MFSD6: variants seen among roughly 807,000 people sequenced by gnomAD.
The protein encoded by MFSD6 is major facilitator superfamily domain containing 6, also known as major facilitator superfamily domain-containing protein 6.
A neutral mutation model predicts 56.3 loss-of-function variants in MFSD6; 26 were observed. The ratio of observed to expected loss-of-function variants is 0.46; its 90% CI spans 0.34 to 0.64. The LOEUF (loss-of-function observed/expected upper bound fraction) is 0.64. MFSD6 is among the 30% of genes least tolerant of loss of function. The pLI is 0.01. For missense variants in MFSD6, 750 were observed against 986.2 expected, an observed-to-expected ratio of 0.76 and a Z score of 3.21; for synonymous variants, 331 against 366.9, an observed-to-expected ratio of 0.90 and a Z score of 1.12.
In MFSD6 at chr2:190,469,853, A is replaced by G. The variant is rs1446568106; in HGVS notation, c.1628A>G (p.Gln543Arg). 1.3e-6 allele frequency: 2 copies of G among 1,588,928 alleles called. No individual in the cohort carries two copies. Among genetic ancestry groups the G allele is most frequent in the Admixed American group, 3.4e-5 (2 of 58,202 alleles). Residue 543 changes from glutamine (Q) to arginine (R), a missense_variant and splice_region_variant, in exon 4 of 8, where the codon CAA (glutamine) becomes CGA (arginine). Gln to Arg is a conservative substitution (Grantham distance 43). Coordinates refer to ENST00000392328, the MANE Select transcript of MFSD6 (RefSeq NM_017694.4). The surrounding 1 kb of genome is among the most constrained non-coding windows in gnomAD (Gnocchi z 5.3). Reference sequence around the variant, plus strand: ...ACTGTTCTCCCCATGGAAGTTCTTCAAGGTAAGTTAACAGCTGGGATTGAA... The same window carrying G: ...ACTGTTCTCCCCATGGAAGTTCTTCGAGGTAAGTTAACAGCTGGGATTGAA... ...AWTVLPMEVLQGVTHAAIWAA... is the reference protein window; with the variant it reads ...AWTVLPMEVLRGVTHAAIWAA...
chr2:190,475,639 A>G (rs985595783), intron 4 of MFSD6, among the ~76,000 whole-genome samples: 1 of 152,350 alleles, frequency 6.6e-6, no homozygotes, highest in African/African-American at 2.4e-5. Flanking sequence ...ATACTGCCCA[A>G]GGTAATTTAT....
Position 190,431,037 on chromosome 2 carries a change from C to T in MFSD6, c.-53-4940C>T, listed in dbSNP as rs565374096. On this transcript the variant is annotated intron_variant, in intron 2 of 7. Transcript: ENST00000392328. The surrounding 1 kb of genome is among the most constrained non-coding windows in gnomAD (Gnocchi z 4.4). ...CTCACCTCCCAGACGGGGTCGCGGC[C>T]GGGCAGAGGCGCTCCTCACCTCCCA... 8.8e-5 allele frequency among the ~76,000 whole-genome samples: 10 copies of T among 113,566 alleles called. 1 individual carries two copies. Among genetic ancestry groups the T allele is most frequent in the East Asian group, 7.9e-4 (3 of 3,788 alleles). The allele number at this position is 113,566 out of a possible 152,430, so 74.5% of individuals were successfully genotyped here.
Position 190,457,727 on chromosome 2 carries a change from A to G in MFSD6, c.1533-12031A>G, listed in dbSNP as rs937888320. ...ACAGTGTTTTGCAGTTTTTCTTTAC[A>G]TGCTTGTTTAATCTTTTCAAAACTC... is the stretch of plus-strand genomic sequence containing the variant. On this transcript the variant is annotated intron_variant, in intron 3 of 7. Transcript: ENST00000392328. This position sits in a 1 kb window ranked among gnomAD's most constrained non-coding sequence, Gnocchi z 5.1. Among the ~76,000 whole-genome samples the G allele has an allele frequency of 2.0e-5, 3 of 152,124 alleles. No individual in the cohort carries two copies. The highest frequency in any genetic ancestry group is 6.5e-5 in the Admixed American group (1 of 15,274).
At position 190,474,791 on chromosome 2, in the gene MFSD6, G is replaced by T. The variant is rs182386329; in HGVS notation, c.1630+4936G>T. Among the ~76,000 whole-genome samples, 18 of 152,310 alleles carry T rather than the reference G, an allele frequency of 1.2e-4. No individual in the cohort carries two copies. In the East Asian group the frequency reaches 1.3e-3, roughly 11 times the overall value. On this transcript the variant is annotated intron_variant, in intron 4 of 7. Transcript: ENST00000392328. ...AAGAGAATTTTAGACCAATATTCCT[G>T]ATGAAGATAGATGCAAAAATCCTCA...
chr2:190,484,835 A>G lies in MFSD6; in HGVS notation c.1631-3822A>G, dbSNP rs201613242. On this transcript the variant is annotated intron_variant, in intron 4 of 7. Coordinates refer to ENST00000392328, the MANE Select transcript of MFSD6 (RefSeq NM_017694.4). ...AAAATAAGTTATTTTAGGGAAATCA[A>G]TTTTAATCCTGTATCTGCCCTGGAA... Among the ~76,000 whole-genome samples the G allele has an allele frequency of 3.9e-5, 6 of 152,338 alleles. No individual in the cohort carries two copies. The East Asian group carries it at 5.8e-4, about 15-fold the overall frequency.
intron 3 of MFSD6, among the ~76,000 whole-genome samples, chr2:190,448,830 GC>G (rs1686674419): frequency 6.6e-6 from 1 of 152,122 alleles, no homozygotes; most frequent in Non-Finnish European, 1.5e-5. Context: ...CATTCTTGGT[GC>G]TAGACAGTCT....
At chr2:190,449,415 AGTGAGCCGAGATGGCACCACTGCACACCC>A (rs1476378592) in intron 3 of MFSD6, among the ~76,000 whole-genome samples, 1 of 152,120 alleles carries the variant, frequency 6.6e-6, no homozygotes, top group East Asian at 1.9e-4. Context: ...TGGAGGTTGC[AGTGAGCCGAGATGGCACCACTGCACACCC>A]GCCTAGGTGA....
In MFSD6 at chr2:190,415,043, A is replaced by G. The variant is rs1690719954; in HGVS notation, c.-175-249A>G. Among the ~76,000 whole-genome samples the G allele has an allele frequency of 6.6e-6, 1 of 152,194 alleles. No homozygotes were observed. The highest frequency in any genetic ancestry group is 2.1e-4 in the South Asian group (1 of 4,824). The stretch of plus-strand genomic sequence containing the variant: ...TATAGCTTATTTACCTATTTTCACC[A>G]TAACTTATTTAACTGTCCTTATTAT... On this transcript the variant is annotated intron_variant, in intron 1 of 7. Transcript: ENST00000392328. The surrounding 1 kb of genome is among the most constrained non-coding windows in gnomAD (Gnocchi z 4.5).
rs1296723115 is a variant in MFSD6, at chr2:190,426,388, TTTTC to T, written c.-53-9586_-53-9583del. Among the ~76,000 whole-genome samples the T allele has an allele frequency of 6.6e-6, 1 of 152,246 alleles. No homozygotes were observed. Among genetic ancestry groups the T allele is most frequent in the Non-Finnish European group, 1.5e-5 (1 of 68,046 alleles). ...ATTTTCCAGTTATAAGTTTTCCATT[TTTTC>T]TTCCATTTCTTTGCTGAGACTTTCT... is the stretch of plus-strand genomic sequence containing the variant. On this transcript the variant is annotated intron_variant, in intron 2 of 7. Coordinates refer to ENST00000392328, the MANE Select transcript of MFSD6 (RefSeq NM_017694.4). The surrounding 1 kb of genome is among the most constrained non-coding windows in gnomAD (Gnocchi z 4.7).
At chr2:190,432,694 G>T (rs1203769038) in intron 2 of MFSD6, among the ~76,000 whole-genome samples, 1 of 152,082 alleles carries the variant, frequency 6.6e-6, no homozygotes, top group Non-Finnish European at 1.5e-5. Context: ...TTGAATTACA[G>T]GCGTGAGCCA....
intron 3 of MFSD6, chr2:190,464,980 C>A: frequency 1.2e-6 from 1 of 835,956 alleles, no homozygotes; most frequent in Non-Finnish European, 1.4e-6. Flanking sequence ...TCACAACTAA[C>A]TACACTGTTA....
rs1038357415 is a variant in MFSD6, at chr2:190,412,844, G to A, written c.-175-2448G>A. Among the ~76,000 whole-genome samples, 1 of 152,140 alleles carries A rather than the reference G, an allele frequency of 6.6e-6. No homozygotes were observed. The highest frequency in any genetic ancestry group is 2.4e-5 in the African/African-American group (1 of 41,418). On this transcript the variant is annotated intron_variant, in intron 1 of 7. Transcript: ENST00000392328. The surrounding 1 kb of genome is among the most constrained non-coding windows in gnomAD (Gnocchi z 4.1). ...AGCTGTTTTTGATTGCCCACATTTG[G>A]ATGATATTTATTTACTGTTTTTGCA...
chr2:190,479,410 C>A (rs754550124), intron 4 of MFSD6, among the ~76,000 whole-genome samples: 2 of 152,074 alleles, frequency 1.3e-5, no homozygotes, highest in African/African-American at 2.4e-5. Context: ...AGTCTACGTG[C>A]CTAAAAGCAT....
At position 190,498,863 on chromosome 2, in the gene MFSD6, T is replaced by C. The variant is rs996858648; in HGVS notation, c.2172+1144T>C. On this transcript the variant is annotated intron_variant, in intron 7 of 7. Transcript: ENST00000392328. The surrounding 1 kb of genome is among the most constrained non-coding windows in gnomAD (Gnocchi z 5.9). Reference sequence around the variant, plus strand: ...GGTATGTTAGGATTAATAAATTTTTTTCTGGGCTGGGCATGGTGGCTTATG... The same window carrying C: ...GGTATGTTAGGATTAATAAATTTTTCTCTGGGCTGGGCATGGTGGCTTATG... Among the ~76,000 whole-genome samples the C allele has an allele frequency of 1.3e-5, 2 of 152,156 alleles. No individual in the cohort carries two copies. The highest frequency in any genetic ancestry group is 2.9e-5 in the Non-Finnish European group (2 of 68,036).
At chr2:190,483,889 A>C (rs991140979) in intron 4 of MFSD6, among the ~76,000 whole-genome samples, 13 of 151,444 alleles carry the variant, frequency 8.6e-5, no homozygotes, top group African/African-American at 2.7e-4. Context: ...ACTCATAATT[A>C]TTTTTAATGA....
At chr2:190,466,396 C>T (rs1341406332) in intron 3 of MFSD6, among the ~76,000 whole-genome samples, 1 of 152,178 alleles carries the variant, frequency 6.6e-6, no homozygotes. Flanking sequence ...TTTCATAGAT[C>T]CAAATGCTGT....
At chr2:190,432,916 G>C (rs1686057450) in intron 2 of MFSD6, among the ~76,000 whole-genome samples, 1 of 147,718 alleles carries the variant, frequency 6.8e-6, no homozygotes, top group African/African-American at 2.5e-5. Context: ...ATCTAATATA[G>C]CTAACTCATG....
chr2:190,463,813 C>CT lies in MFSD6; in HGVS notation c.1533-5944dup. ...CCAGCCTGGGTAACAGAGCAAGACC[C>CT]TGTCTCAAAAATAAATAAATAAATA... is the stretch of plus-strand genomic sequence containing the variant. On this transcript the variant is annotated intron_variant, in intron 3 of 7. Coordinates refer to ENST00000392328, the MANE Select transcript of MFSD6 (RefSeq NM_017694.4). The surrounding 1 kb of genome is among the most constrained non-coding windows in gnomAD (Gnocchi z 4.4). 1.1e-6 allele frequency: 1 copy of CT among 909,780 alleles called. No homozygotes were observed. Among genetic ancestry groups the CT allele is most frequent in the South Asian group, 5.1e-5 (1 of 19,664 alleles). 56.4% of individuals were successfully genotyped at this position (909,780 alleles called of 1,614,324 possible).
At chr2:190,486,005 GT>G (rs996302710) in intron 4 of MFSD6, among the ~76,000 whole-genome samples, 7 of 152,182 alleles carry the variant, frequency 4.6e-5, no homozygotes, top group African/African-American at 1.4e-4. Context: ...ATGGTACCTG[GT>G]TGGGTGCTGG....
Sources: gnomAD v4.1 joint callset for allele counts (sites outside exome capture counted in the v4.1 genomes callset) on GRCh38, gnomAD v4.1.1 for gene constraint, Gnocchi (gnomAD v3.1) non-coding constraint, MANE v1.5 for transcripts, NCBI Gene and HGNC (gene_info 2026-07-23, HGNC 2026-07-21) for gene names.